Variants in PPP1R16B observed in about 807,000 individuals in gnomAD.
PPP1R16B encodes protein phosphatase 1 regulatory subunit 16B.
A neutral mutation model predicts 61.7 loss-of-function variants in PPP1R16B; 14 were observed. The ratio of observed to expected loss-of-function variants is 0.23; its 90% confidence interval spans 0.15 to 0.35. The LOEUF (loss-of-function observed/expected upper bound fraction) is 0.35. Among genes scored for constraint, PPP1R16B ranks in the 10% least tolerant of loss-of-function variants. PPP1R16B has a pLI of 1.00. For synonymous variants in PPP1R16B, 266 were observed against 305.3 expected (o/e 0.87, Z 1.34); for missense variants, 547 against 752.5 (o/e 0.73, Z 3.19).
At chr20:38,867,011 C>T (rs2085094994) in intron 2 of PPP1R16B, among the ~76,000 whole-genome samples, 1 of 152,214 alleles carries the variant, frequency 6.6e-6, no homozygotes, top group African/African-American at 2.4e-5. Context: ...TAATATGTGA[C>T]TTTTCGTGTC....
intron 2 of PPP1R16B, among the ~76,000 whole-genome samples, chr20:38,847,991 G>T (rs533113720): frequency 1.3e-5 from 2 of 151,992 alleles, no homozygotes; most frequent in African/African-American, 2.4e-5. Flanking sequence ...GTGGCCTGAA[G>T]TCCAAATCTT....
intron 6 of PPP1R16B, among the ~76,000 whole-genome samples, chr20:38,903,916 T>G (rs1357031096): frequency 6.6e-6 from 1 of 152,012 alleles, no homozygotes; most frequent in African/African-American, 2.4e-5. Context: ...GACTGGGGGG[T>G]GGGTGCCCTG....
At chr20:38,860,684 A>G (rs2085043370) in intron 2 of PPP1R16B, among the ~76,000 whole-genome samples, 1 of 152,212 alleles carries the variant, frequency 6.6e-6, no homozygotes, top group Non-Finnish European at 1.5e-5. Context: ...CTTTGTGCCC[A>G]GGAGGATAAG....
chr20:38,902,027 C>T (rs1476595036), intron 5 of PPP1R16B, among the ~76,000 whole-genome samples: 1 of 150,450 alleles, frequency 6.6e-6, no homozygotes, highest in Admixed American at 6.6e-5. Context: ...TCGAACAGTG[C>T]TTGGTCTAAT....
intron 2 of PPP1R16B, among the ~76,000 whole-genome samples, chr20:38,865,130 A>G (rs772759502): frequency 5.3e-5 from 8 of 152,054 alleles, no homozygotes; most frequent in Non-Finnish European, 1.0e-4. Context: ...CCCAAGTGTT[A>G]GATGATCCTG....
intron 2 of PPP1R16B, among the ~76,000 whole-genome samples, chr20:38,865,922 G>A (rs934509542): frequency 2.6e-5 from 4 of 151,960 alleles, no homozygotes; most frequent in African/African-American, 7.3e-5. Flanking sequence ...TCAGGAGTTC[G>A]AGACCAGCCT....
intron 2 of PPP1R16B, among the ~76,000 whole-genome samples, chr20:38,872,521 G>C (rs1056600921): frequency 8.5e-5 from 13 of 152,274 alleles, no homozygotes; most frequent in Middle Eastern, 3.4e-3. Flanking sequence ...TCACTGGCAG[G>C]GTTTGTTAAA....
chr20:38,818,942 C>T (rs1238465410), intron 1 of PPP1R16B, among the ~76,000 whole-genome samples: 1 of 152,020 alleles, frequency 6.6e-6, no homozygotes, highest in African/African-American at 2.4e-5. Flanking sequence ...CCACACCCAG[C>T]TAATTTTTTA....
chr20:38,836,364 T>TG (rs2084872297), intron 2 of PPP1R16B, among the ~76,000 whole-genome samples, 189 bp downstream of exon 2: 2 of 151,728 alleles, frequency 1.3e-5, no homozygotes, highest in African/African-American at 4.8e-5. Context: ...GACTTCTTTT[T>TG]TTTCTAAGAC....
rs1184965665 is a variant in PPP1R16B, at chr20:38,907,070, T to G, written c.898+16T>G. ...ATGCCAATAGGTAAGTCCAGCACAA[T>G]AGCTGGTGTGCACAAATAGGCAGTT... On this transcript the variant is annotated intron_variant, in intron 8 of 10. Coordinates refer to ENST00000299824, the MANE Select transcript of PPP1R16B (RefSeq NM_015568.4). This position sits in a 1 kb window ranked among gnomAD's most constrained non-coding sequence, Gnocchi z 4.5. 6.3e-7 allele frequency: 1 copy of G among 1,595,374 alleles called. No individual in the cohort carries two copies. Among genetic ancestry groups the G allele is most frequent in the Non-Finnish European group, 8.6e-7 (1 of 1,162,954 alleles).
chr20:38,853,892 C>T (rs1297467576), intron 2 of PPP1R16B, among the ~76,000 whole-genome samples: 2 of 152,182 alleles, frequency 1.3e-5, no homozygotes, highest in African/African-American at 4.8e-5. Context: ...AGCCCCAATG[C>T]ACAAGTATTT....
At chr20:38,881,345 A>C (rs1452430784) in intron 2 of PPP1R16B, among the ~76,000 whole-genome samples, 1 of 152,252 alleles carries the variant, frequency 6.6e-6, no homozygotes, top group Non-Finnish European at 1.5e-5. Context: ...CCTTGGGGGC[A>C]CAGGACAGCT....
chr20:38,895,693 G>A lies in PPP1R16B; in HGVS notation c.450G>A (p.Val150=), dbSNP rs1254404174. The change falls in exon 4 of 11, where the codon GTG becomes GTA. Residue 150 remains valine (V), a synonymous_variant. Coordinates refer to ENST00000299824, the MANE Select transcript of PPP1R16B (RefSeq NM_015568.4). ...CCACCTGCGGCCACATCAACCTGGTGAAGATCCTCGTTCAGTAGTACGTGC... is the reference window on the plus strand; with the variant it reads ...CCACCTGCGGCCACATCAACCTGGTAAAGATCCTCGTTCAGTAGTACGTGC... ...AAATCGHINL[V]KILVQYGADL... 1 of 1,613,994 alleles carries A rather than the reference G, an allele frequency of 6.2e-7. No homozygotes were observed. Among genetic ancestry groups the A allele is most frequent in the African/African-American group, 1.3e-5 (1 of 74,908 alleles).
chr20:38,861,831 C>T (rs560537366), intron 2 of PPP1R16B, among the ~76,000 whole-genome samples: 38 of 152,192 alleles, frequency 2.5e-4, no homozygotes, highest in African/African-American at 4.1e-4. Context: ...AGCCTGCCAC[C>T]GTGCCCGGCT....
At chr20:38,906,582 C>T (rs1186372306) in intron 7 of PPP1R16B, among the ~76,000 whole-genome samples, 1 of 152,118 alleles carries the variant, frequency 6.6e-6, no homozygotes, top group Non-Finnish European at 1.5e-5. Flanking sequence ...CCATGCCTGG[C>T]TGACAAGTTG....
rs571358280 is a variant in PPP1R16B at position 38,858,349 on chromosome 20, G to T, written c.250+22174G>T. On this transcript the variant is annotated intron_variant, in intron 2 of 10. Coordinates refer to ENST00000299824, the MANE Select transcript of PPP1R16B (RefSeq NM_015568.4). ...CTGATGGGGGAATTCTCTGGAATTT[G>T]TGTCCTGGGTGGACACAAAGGCCTC... Among the ~76,000 whole-genome samples the T allele has an allele frequency of 1.1e-4, 16 of 152,118 alleles. No individual in the cohort carries two copies. In the East Asian group the frequency reaches 3.1e-3, roughly 29 times the overall value.
At chr20:38,826,233 C>G (rs2084804488) in intron 1 of PPP1R16B, among the ~76,000 whole-genome samples, 1 of 152,176 alleles carries the variant, frequency 6.6e-6, no homozygotes, top group East Asian at 1.9e-4. Context: ...CACACTCCCT[C>G]AAGCCTGGAG....
intron 6 of PPP1R16B, among the ~76,000 whole-genome samples, chr20:38,903,457 G>C (rs1568682597): frequency 1.3e-5 from 2 of 152,040 alleles, no homozygotes; most frequent in Non-Finnish European, 2.9e-5. Flanking sequence ...TACTGCAACA[G>C]CCTCTCCTTT....
At chr20:38,809,701 C>T (rs138417978) in intron 1 of PPP1R16B, among the ~76,000 whole-genome samples, 11 of 152,166 alleles carry the variant, frequency 7.2e-5, no homozygotes, top group Middle Eastern at 6.8e-3. Flanking sequence ...TAGCTTGGAC[C>T]AGGTGCGGTG....
Sources: allele counts gnomAD v4.1 joint callset (sites outside exome capture counted in the v4.1 genomes callset), GRCh38; gene constraint gnomAD v4.1.1; non-coding constraint Gnocchi (gnomAD v3.1); transcripts MANE v1.5; gene names NCBI Gene and HGNC (gene_info 2026-07-23, HGNC 2026-07-21).